The following GPC6 variants were observed in gnomAD, a reference collection of about 807,000 sequenced individuals.
The protein encoded by GPC6 is glypican-6.
In GPC6, 14 loss-of-function variants were observed where a neutral mutation model predicts 55.2. That is an observed-to-expected ratio of 0.25 (90% CI 0.17 to 0.40). The LOEUF (loss-of-function observed/expected upper bound fraction) is 0.40, where lower values mean the gene tolerates loss of function less well. Among genes scored for constraint, GPC6 ranks in the 10% least tolerant of loss-of-function variants. GPC6 has a pLI of 1.00. For synonymous variants in GPC6, 278 were observed against 259.6 expected, an observed-to-expected ratio of 1.07 and a Z score of -0.68; for missense variants, 641 against 708.5, an observed-to-expected ratio of 0.90 and a Z score of 1.08.
At chr13:93,265,388 G>T (rs978810618) in intron 1 of GPC6, among the ~76,000 whole-genome samples, 1 of 152,124 alleles carries the variant, frequency 6.6e-6, no homozygotes, top group Non-Finnish European at 1.5e-5. Flanking sequence ...TTGAGTACTC[G>T]CATGACACCA....
At chr13:94,000,361 A>G (rs569158869) in intron 3 of GPC6, among the ~76,000 whole-genome samples, 1 of 152,204 alleles carries the variant, frequency 6.6e-6, no homozygotes, top group Non-Finnish European at 1.5e-5. Flanking sequence ...TTATTATTCT[A>G]TATTACATTC....
chr13:93,869,927 C>A (rs1889078787), intron 3 of GPC6, among the ~76,000 whole-genome samples: 1 of 151,954 alleles, frequency 6.6e-6, no homozygotes, highest in East Asian at 2.0e-4. Context: ...AGGACCACTG[C>A]AATGGAAGGA....
intron 6 of GPC6, 101 bp downstream of exon 6, chr13:94,306,224 A>T: frequency 8.5e-7 from 1 of 1,182,256 alleles, no homozygotes; most frequent in South Asian, 1.2e-5. Flanking sequence ...TATAAGAGTC[A>T]TCTCATGCTT....
intron 1 of GPC6, among the ~76,000 whole-genome samples, chr13:93,435,278 C>CTAT (rs912970056): frequency 1.5e-4 from 23 of 151,360 alleles, no homozygotes; most frequent in East Asian, 1.4e-3. Flanking sequence ...CCATGCCCAG[C>CTAT]TATTATTATT....
At chr13:93,832,537 G>C (rs576848927) in intron 3 of GPC6, among the ~76,000 whole-genome samples, 1 of 152,108 alleles carries the variant, frequency 6.6e-6, no homozygotes, top group African/African-American at 2.4e-5. Context: ...ATAATGTTTA[G>C]ATGTGTGTAT....
chr13:93,620,385 A>G (rs1219078779), intron 2 of GPC6, among the ~76,000 whole-genome samples: 5 of 152,208 alleles, frequency 3.3e-5, no homozygotes, highest in Admixed American at 6.5e-5. Context: ...GCCATGGCTG[A>G]CATAATTTAC....
At chr13:94,327,418 A>G (rs958286163) in intron 6 of GPC6, among the ~76,000 whole-genome samples, 7 of 151,870 alleles carry the variant, frequency 4.6e-5, no homozygotes, top group Admixed American at 1.3e-4. Flanking sequence ...CTCTGCACCC[A>G]CCATGTCCCC....
intron 2 of GPC6, among the ~76,000 whole-genome samples, chr13:93,826,727 A>C (rs778587437): frequency 4.6e-5 from 7 of 151,966 alleles, no homozygotes; most frequent in Non-Finnish European, 1.0e-4. Context: ...GTGCCATCTT[A>C]CCTTTCAGTC....
At chr13:93,358,798 C>T (rs974058378) in intron 1 of GPC6, among the ~76,000 whole-genome samples, 6 of 152,086 alleles carry the variant, frequency 3.9e-5, no homozygotes, top group South Asian at 2.1e-4. Context: ...GGCTCCAGCA[C>T]GAGTGAAAAT....
intron 3 of GPC6, among the ~76,000 whole-genome samples, chr13:93,953,000 A>G (rs1001821603): frequency 2.0e-5 from 3 of 150,864 alleles, no homozygotes; most frequent in East Asian, 3.9e-4. Flanking sequence ...AGAATTCTCA[A>G]ACTTTCCATA....
chr13:94,136,456 A>C (rs1193487114), intron 4 of GPC6, among the ~76,000 whole-genome samples: 1 of 152,200 alleles, frequency 6.6e-6, no homozygotes, highest in African/African-American at 2.4e-5. Flanking sequence ...CACGCCTGTG[A>C]TCCCAGCACT....
chr13:93,890,852 T>G (rs1056174655), intron 3 of GPC6, among the ~76,000 whole-genome samples: 1 of 151,764 alleles, frequency 6.6e-6, no homozygotes, highest in Non-Finnish European at 1.5e-5. Flanking sequence ...ATTTCTTGAG[T>G]GCTAAGATAT....
Position 93,227,143 on chromosome 13 carries a change from T to A in GPC6, c.-314T>A. On this transcript the variant is annotated 5_prime_UTR_variant, in exon 1 of 9. An upstream start codon of the reference 5' UTR is lost. Transcript: ENST00000377047. This position sits in a 1 kb window ranked among gnomAD's most constrained non-coding sequence, Gnocchi z 4.3. ...CTCGGATTGCAGCTCTGAACCCCCA[T>A]GGTGGTTTTTTAAACACTTCTTTTC... 4.6e-6 allele frequency: 1 copy of A among 216,382 alleles called. No homozygotes were observed. The highest frequency in any genetic ancestry group is 9.2e-6 in the Non-Finnish European group (1 of 109,048). The allele number at this position is 216,382 out of a possible 1,614,324, so 13.4% of individuals were successfully genotyped here. A position where few individuals can be genotyped will look rare whatever the true frequency, so the allele number is the denominator to read the frequency against.
chr13:94,279,378 A>C (rs200177101), intron 4 of GPC6, among the ~76,000 whole-genome samples: 2 of 30,536 alleles, frequency 6.5e-5, no homozygotes, highest in Non-Finnish European at 1.2e-4. Context: ...ATCTTTTTCA[A>C]AAAAAAAAAA....
At chr13:93,847,894 A>G (rs1441654157) in intron 3 of GPC6, among the ~76,000 whole-genome samples, 1 of 152,176 alleles carries the variant, frequency 6.6e-6, no homozygotes, top group Non-Finnish European at 1.5e-5. Context: ...TCAAAGTATC[A>G]TGGTGCTGAA....
At chr13:93,463,583 A>C (rs564589482) in intron 1 of GPC6, among the ~76,000 whole-genome samples, 267 of 152,248 alleles carry the variant, frequency 1.8e-3, no homozygotes, top group African/African-American at 6.0e-3. Context: ...TATTGTAGGT[A>C]TCTCATTAGT....
chr13:93,739,675 C>T (rs911349924), intron 2 of GPC6, among the ~76,000 whole-genome samples: 10 of 152,170 alleles, frequency 6.6e-5, no homozygotes, highest in East Asian at 3.9e-4. Context: ...GTGATCCACC[C>T]GCCTCCACGT....
intron 3 of GPC6, among the ~76,000 whole-genome samples, chr13:93,934,824 A>G (rs971613791): frequency 1.4e-5 from 2 of 147,484 alleles, no homozygotes; most frequent in Admixed American, 6.8e-5. Context: ...AATGTTTTAT[A>G]TAAATTTAAG....
Position 94,041,311 on chromosome 13 carries a change from G to T in GPC6, c.877+13417G>T, listed in dbSNP as rs543674420. On this transcript the variant is annotated intron_variant, in intron 4 of 8. Transcript: ENST00000377047. The stretch of plus-strand genomic sequence containing the variant: ...TTGAGAGCTATGATGGCAGTTTATG[G>T]AAGTGTCTGTGATCCTTCTTGATAA... 1.6e-4 allele frequency among the ~76,000 whole-genome samples: 25 copies of T among 151,836 alleles called. 1 individual carries two copies. The South Asian group carries it at 5.2e-3, about 31-fold the overall frequency.
Sources: allele counts gnomAD v4.1 joint callset (sites outside exome capture counted in the v4.1 genomes callset), GRCh38; gene constraint gnomAD v4.1.1; non-coding constraint Gnocchi (gnomAD v3.1); transcripts MANE v1.5; gene names NCBI Gene and HGNC (gene_info 2026-07-23, HGNC 2026-07-21).